The following VPS13B variants were observed in gnomAD, a reference collection of about 807,000 sequenced individuals.
VPS13B encodes the protein intermembrane lipid transfer protein VPS13B.
In VPS13B, 285 loss-of-function variants were observed where a neutral mutation model predicts 426.4. The ratio of observed to expected loss-of-function variants is 0.67; its 90% CI spans 0.61 to 0.74. The LOEUF is 0.74. VPS13B is among the 30% of genes least tolerant of loss of function. VPS13B has a pLI of 0.00. For synonymous variants in VPS13B, 1,676 were observed against 1,676.4 expected, an observed-to-expected ratio of 1.00 and a Z score of 0.01; for missense variants, 4,537 against 4,782.6, an observed-to-expected ratio of 0.95 and a Z score of 1.51.
chr8:99,344,745 C>T (rs1001669694), intron 19 of VPS13B, among the ~76,000 whole-genome samples: 4 of 151,192 alleles, frequency 2.6e-5, no homozygotes, highest in African/African-American at 4.9e-5. Flanking sequence ...TTTTTCTTCT[C>T]ATTGGTTTGT....
At position 99,511,421 on chromosome 8, in the gene VPS13B, G is replaced by A; in HGVS notation, c.4542G>A (p.Leu1514=). 1.2e-6 allele frequency: 2 copies of A among 1,613,488 alleles called. No homozygotes were observed. Among genetic ancestry groups the A allele is most frequent in the Middle Eastern group, 1.7e-4 (1 of 6,058 alleles). ...GTCAGCCCATGAGGACCCATACACT[G>A]ACATCCCGCAATTTACCTTTGATTT... ...SPGQPMRTHT[L]TSRNLPLIYV... Residue 1514 remains leucine (L), a synonymous_variant, in exon 29 of 62, where the codon CTG becomes CTA. Transcript: ENST00000357162.
intron 17 of VPS13B, among the ~76,000 whole-genome samples, chr8:99,271,755 A>C (rs934208855): frequency 1.9e-4 from 29 of 152,144 alleles, no homozygotes; most frequent in African/African-American, 6.3e-4. Flanking sequence ...ACGAATGAGG[A>C]AGTGCCATGC....
intron 33 of VPS13B, among the ~76,000 whole-genome samples, chr8:99,596,068 C>T (rs1244493371): frequency 6.6e-6 from 1 of 151,916 alleles, no homozygotes; most frequent in Admixed American, 6.6e-5. Context: ...AGAATGTTTA[C>T]CTACATAACC....
chr8:99,776,851 G>A lies in VPS13B; in HGVS notation c.7324G>A (p.Val2442Ile). 1.2e-6 allele frequency: 2 copies of A among 1,614,094 alleles called. No individual in the cohort carries two copies. The highest frequency in any genetic ancestry group is 1.7e-6 in the Non-Finnish European group (2 of 1,179,986). Residue 2442 changes from valine (V) to isoleucine (I), a missense_variant, in exon 41 of 62, where the codon GTT (valine) becomes ATT (isoleucine). Val to Ile is a conservative substitution (Grantham distance 29). Coordinates refer to ENST00000357162, the MANE Select transcript of VPS13B (RefSeq NM_152564.5). ...TPTALAACTRVDSCFTPWFVP... is the reference protein window; with the variant it reads ...TPTALAACTRIDSCFTPWFVP... ...AACAGCCCTGGCTGCCTGTACCAGA[G>A]TTGACTCCTGCTTTACCCCATGGTT...
At chr8:99,161,446 A>G (rs1811644107) in intron 15 of VPS13B, among the ~76,000 whole-genome samples, 2 of 152,238 alleles carry the variant, frequency 1.3e-5, no homozygotes, top group South Asian at 2.1e-4. Flanking sequence ...CCATACTGAC[A>G]TAAAATTTAT....
At chr8:99,409,033 AG>A (rs1815480382) in intron 21 of VPS13B, among the ~76,000 whole-genome samples, 2 of 152,210 alleles carry the variant, frequency 1.3e-5, no homozygotes, top group South Asian at 4.1e-4. Flanking sequence ...TTCTAGTTCT[AG>A]GAAAGTCCAT....
intron 19 of VPS13B, among the ~76,000 whole-genome samples, chr8:99,307,320 C>A (rs1178670404): frequency 6.6e-6 from 1 of 152,014 alleles, no homozygotes; most frequent in Non-Finnish European, 1.5e-5. Context: ...GTTAGCTTGA[C>A]CCTTTGAAAA....
chr8:99,112,221 A>G (rs1388104726), intron 6 of VPS13B, among the ~76,000 whole-genome samples: 2 of 152,172 alleles, frequency 1.3e-5, no homozygotes, highest in Non-Finnish European at 2.9e-5. Flanking sequence ...GATCCCATTA[A>G]GTAGGTTTTA....
chr8:99,046,483 A>G (rs548777524), intron 3 of VPS13B, among the ~76,000 whole-genome samples: 24 of 152,172 alleles, frequency 1.6e-4, no homozygotes, highest in African/African-American at 5.8e-4. Flanking sequence ...AAACAATGAT[A>G]TCATCAACAA....
At chr8:99,430,653 A>G (rs1325992431) in intron 21 of VPS13B, among the ~76,000 whole-genome samples, 1 of 151,838 alleles carries the variant, frequency 6.6e-6, no homozygotes, top group Non-Finnish European at 1.5e-5. Context: ...TTATTAAGAA[A>G]TCTTCCTTTT....
chr8:99,380,892 A>T (rs1356368178), intron 19 of VPS13B, among the ~76,000 whole-genome samples: 32 of 148,780 alleles, frequency 2.2e-4, no homozygotes, highest in Non-Finnish European at 3.1e-4. Context: ...TTTTTTTTTA[A>T]AAAAAAAAGA....
chr8:99,476,763 A>G (rs1819712691), intron 24 of VPS13B, among the ~76,000 whole-genome samples: 1 of 152,164 alleles, frequency 6.6e-6, no homozygotes, highest in African/African-American at 2.4e-5. Flanking sequence ...CTAAAGAAAA[A>G]CATTTTCAGA....
intron 19 of VPS13B, among the ~76,000 whole-genome samples, chr8:99,289,070 G>T (rs62534565): frequency 3.1e-4 from 16 of 51,058 alleles, no homozygotes; most frequent in South Asian, 7.2e-4. Context: ...AATGAAAGAA[G>T]GAAGGAAGGA....
chr8:99,190,424 G>A (rs1563592813), intron 16 of VPS13B, among the ~76,000 whole-genome samples: 1 of 151,548 alleles, frequency 6.6e-6, no homozygotes, highest in Middle Eastern at 3.4e-3. Flanking sequence ...ATATTTTGGG[G>A]TTTAGTTCTA....
intron 34 of VPS13B, among the ~76,000 whole-genome samples, chr8:99,654,820 A>C (rs1488000479): frequency 2.6e-5 from 4 of 151,758 alleles, no homozygotes; most frequent in African/African-American, 9.7e-5. Flanking sequence ...ATTAAGAAAC[A>C]CCTTTATTTG....
chr8:99,641,358 G>A (rs2133930698), intron 33 of VPS13B, among the ~76,000 whole-genome samples: 1 of 152,190 alleles, frequency 6.6e-6, no homozygotes, highest in South Asian at 2.1e-4. Context: ...CTATAAATCA[G>A]TTTTATAAGA....
At chr8:99,467,782 T>G in intron 24 of VPS13B, 148 bp downstream of exon 24, 1 of 834,218 alleles carries the variant, frequency 1.2e-6, no homozygotes, top group Non-Finnish European at 1.9e-6. Flanking sequence ...AGATTAAGAA[T>G]TGCTTTGAAG....
intron 54 of VPS13B, among the ~76,000 whole-genome samples, chr8:99,837,292 G>C (rs1259692057): frequency 6.6e-6 from 1 of 152,088 alleles, no homozygotes; most frequent in Non-Finnish European, 1.5e-5. Flanking sequence ...AACTACTCAG[G>C]GGTGTGCTTT....
chr8:99,731,402 T>C (rs1833594106), intron 39 of VPS13B, among the ~76,000 whole-genome samples: 1 of 152,200 alleles, frequency 6.6e-6, no homozygotes, highest in Non-Finnish European at 1.5e-5. Flanking sequence ...CCCAAGATCA[T>C]AAAGCAAGTT....
Sources: allele counts gnomAD v4.1 joint callset (sites outside exome capture counted in the v4.1 genomes callset), GRCh38; gene constraint gnomAD v4.1.1; transcripts MANE v1.5; gene names NCBI Gene and HGNC (gene_info 2026-07-23, HGNC 2026-07-21).